Variants in SRPK1 observed in about 807,000 individuals in gnomAD.
SRPK1 encodes SFRS protein kinase 1.
In SRPK1, 52 loss-of-function variants were observed where a neutral mutation model predicts 89.5. That is an observed-to-expected ratio of 0.58 (90% CI 0.46 to 0.73). The LOEUF (loss-of-function observed/expected upper bound fraction) is 0.73, where lower values mean the gene tolerates loss of function less well. Ranked by LOEUF, SRPK1 falls within the 30% of genes least tolerant of loss-of-function variation. The pLI, the probability that SRPK1 is intolerant of heterozygous loss-of-function variation, is 0.00. For missense variants in SRPK1, 603 were observed against 780.6 expected, an observed-to-expected ratio of 0.77 and a Z score of 2.71; for synonymous variants, 255 against 270.2, an observed-to-expected ratio of 0.94 and a Z score of 0.55.
chr6:35,903,022 T>C (rs954060312), intron 2 of SRPK1, among the ~76,000 whole-genome samples: 1 of 151,882 alleles, frequency 6.6e-6, no homozygotes, highest in African/African-American at 2.4e-5. Context: ...CTCACACCTA[T>C]AATCCCAGCA....
In SRPK1 at chr6:35,833,213, G is replaced by A. The variant is rs1174490148; in HGVS notation, c.*2091C>T. On this transcript the variant is annotated 3_prime_UTR_variant, in exon 16 of 16. Transcript: ENST00000373825. ...ATTAAGCTCAATAAAGGTACATGGG[G>A]TACCTGGAAGATCAAGATCTACAGC... The A allele has an allele frequency of 6.6e-6, 1 of 152,596 alleles. No individual in the cohort carries two copies. The highest frequency in any genetic ancestry group is 1.5e-5 in the Non-Finnish European group (1 of 68,040). The allele number at this position is 152,596 out of a possible 1,614,324, so 9.5% of individuals were successfully genotyped here.
At chr6:35,918,377 T>C (rs993078242) in intron 2 of SRPK1, among the ~76,000 whole-genome samples, 10 of 152,040 alleles carry the variant, frequency 6.6e-5, no homozygotes, top group Admixed American at 6.6e-5. Context: ...GGCACACGCC[T>C]GTAGTCCCAG....
At chr6:35,914,677 T>C (rs1367651443) in intron 2 of SRPK1, among the ~76,000 whole-genome samples, 2 of 152,214 alleles carry the variant, frequency 1.3e-5, no homozygotes, top group East Asian at 1.9e-4. Context: ...TATAATAATA[T>C]AGTAGCCAAC....
chr6:35,842,507 A>G (rs368676812), intron 14 of SRPK1, 28 bp downstream of exon 14: 70 of 1,575,934 alleles, frequency 4.4e-5, no homozygotes, highest in Non-Finnish European at 5.5e-5. Context: ...AATACCACGC[A>G]CACACATCCA....
intron 12 of SRPK1, among the ~76,000 whole-genome samples, chr6:35,860,994 CTTTGGTA>C (rs1245369096): frequency 6.6e-6 from 1 of 152,062 alleles, no homozygotes; most frequent in African/African-American, 2.4e-5. Context: ...ATGGTAAGGA[CTTTGGTA>C]TTCATTCTGA....
At chr6:35,873,101 T>C (rs1475359738) in intron 7 of SRPK1, among the ~76,000 whole-genome samples, 3 of 152,224 alleles carry the variant, frequency 2.0e-5, no homozygotes, top group East Asian at 1.9e-4. Context: ...TGAGGAAGAA[T>C]TGAGGTCTCT....
chr6:35,872,832 C>T (rs1023586141), intron 7 of SRPK1, 104 bp from the exon 8 acceptor site: 9 of 1,050,762 alleles, frequency 8.6e-6, no homozygotes, highest in Non-Finnish European at 1.2e-5. Context: ...GATATGATAG[C>T]GTTTTCTATA....
rs565875711 is a variant in SRPK1 at position 35,901,061 on chromosome 6, T to C, written c.75-10048A>G. ...AAAAGCTGACTGGAAAAAGCACCTT[T>C]GAAACTTTAGTTTACTTACATATAA... On this transcript the variant is annotated intron_variant, in intron 2 of 15. Coordinates refer to ENST00000373825, the MANE Select transcript of SRPK1 (RefSeq NM_003137.5). 3.2e-4 allele frequency among the ~76,000 whole-genome samples: 48 copies of C among 152,296 alleles called. No individual in the cohort carries two copies. The South Asian group carries it at 5.6e-3, about 18-fold the overall frequency.
intron 14 of SRPK1, among the ~76,000 whole-genome samples, chr6:35,839,554 C>T (rs1004450940): frequency 5.9e-5 from 9 of 152,102 alleles, no homozygotes; most frequent in Admixed American, 5.9e-4. Context: ...ATGAGCACAA[C>T]CAGGGAGGCA....
At chr6:35,887,970 G>GA in intron 5 of SRPK1, 54 bp downstream of exon 5, 1 of 1,309,696 alleles carries the variant, frequency 7.6e-7, no homozygotes, top group Non-Finnish European at 1.0e-6. Flanking sequence ...TTTATTCAAT[G>GA]AAACTTGATT....
At chr6:35,847,824 T>C (rs1769457541) in intron 13 of SRPK1, among the ~76,000 whole-genome samples, 1 of 152,028 alleles carries the variant, frequency 6.6e-6, no homozygotes, top group African/African-American at 2.4e-5. Context: ...GGAAGATTTA[T>C]TTTTATTTTA....
At chr6:35,867,613 T>C (rs1037710405) in intron 12 of SRPK1, among the ~76,000 whole-genome samples, 26 of 152,088 alleles carry the variant, frequency 1.7e-4, no homozygotes, top group African/African-American at 6.3e-4. Flanking sequence ...GTCCGGAGTT[T>C]GAGGCTGGCC....
intron 2 of SRPK1, 103 bp from the exon 3 acceptor site, chr6:35,891,116 AAC>A: frequency 1.5e-6 from 2 of 1,371,254 alleles, no homozygotes; most frequent in Non-Finnish European, 1.9e-6. Flanking sequence ...AGATAATATG[AAC>A]AGAGTATTAC....
At chr6:35,885,395 TAGAC>T (rs972214731) in intron 6 of SRPK1, among the ~76,000 whole-genome samples, 3 of 151,994 alleles carry the variant, frequency 2.0e-5, no homozygotes, top group African/African-American at 7.3e-5. Context: ...CAGTTTTCCT[TAGAC>T]ATCTGGGTAA....
chr6:35,893,464 G>A (rs766746300), intron 2 of SRPK1, among the ~76,000 whole-genome samples: 38 of 148,116 alleles, frequency 2.6e-4, no homozygotes, highest in Non-Finnish European at 4.3e-4. Flanking sequence ...CAGCATGGGC[G>A]ACAGAGCAAG....
intron 8 of SRPK1, among the ~76,000 whole-genome samples, chr6:35,871,791 G>A (rs1056215935): frequency 2.0e-5 from 3 of 152,052 alleles, no homozygotes; most frequent in Non-Finnish European, 2.9e-5. Context: ...GCCTATGCTC[G>A]AGTGCAGTGG....
intron 13 of SRPK1, among the ~76,000 whole-genome samples, chr6:35,844,424 T>C (rs1581990595): frequency 6.6e-6 from 1 of 152,180 alleles, no homozygotes; most frequent in South Asian, 2.1e-4. Flanking sequence ...TCAAGAACTG[T>C]AGAGTCCAGG....
chr6:35,916,732 T>C (rs562504560), intron 2 of SRPK1, among the ~76,000 whole-genome samples: 18 of 152,326 alleles, frequency 1.2e-4, no homozygotes, highest in Admixed American at 2.0e-4. Flanking sequence ...TGAAATCCAT[T>C]CTGGAATTAT....
chr6:35,873,893 C>T (rs1166662803), intron 7 of SRPK1, among the ~76,000 whole-genome samples: 1 of 150,370 alleles, frequency 6.7e-6, no homozygotes, highest in Non-Finnish European at 1.5e-5. Context: ...GTGGTGTGAT[C>T]TCGGCTCACC....
Sources: gnomAD v4.1 joint callset for allele counts (sites outside exome capture counted in the v4.1 genomes callset) on GRCh38, gnomAD v4.1.1 for gene constraint, MANE v1.5 for transcripts, NCBI Gene and HGNC (gene_info 2026-07-23, HGNC 2026-07-21) for gene names.